RNPC3: variants seen among roughly 807,000 people sequenced by gnomAD.
RNPC3 encodes the protein RNA binding region (RNP1, RRM) containing 3, also known as RNA-binding region-containing protein 3.
RNPC3 carries 48 observed loss-of-function variants against 67.5 expected under a neutral mutation model. The ratio of observed to expected loss-of-function variants is 0.71; its 90% CI spans 0.56 to 0.90. The LOEUF is 0.90. RNPC3 is among the 40% of genes least tolerant of loss of function. The pLI, the probability that RNPC3 is intolerant of heterozygous loss-of-function variation, is 0.00. For synonymous variants in RNPC3, 239 were observed against 210.3 expected (o/e 1.14, Z -1.18); for missense variants, 637 against 626.1 (o/e 1.02, Z -0.19).
intron 7 of RNPC3, among the ~76,000 whole-genome samples, chr1:103,537,935 C>T (rs1651033557): frequency 6.6e-6 from 1 of 152,060 alleles, no homozygotes; most frequent in Admixed American, 6.5e-5. Context: ...CCTCTGCCTC[C>T]CAGGTTCAAG....
intron 6 of RNPC3, 110 bp from the exon 7 acceptor site, chr1:103,537,232 A>C: frequency 5.2e-6 from 1 of 193,158 alleles, no homozygotes; most frequent in East Asian, 1.7e-4. Context: ...AGAATGTGTT[A>C]AAAAAAAAAA....
intron 8 of RNPC3, 101 bp downstream of exon 8, chr1:103,541,576 G>C (rs1037913347): frequency 3.0e-5 from 36 of 1,201,768 alleles, no homozygotes; most frequent in Admixed American, 3.5e-5. Flanking sequence ...TCCTGTCAGT[G>C]TTCTTGGTTT....
Position 103,543,306 on chromosome 1 carries a change from C to T in RNPC3, c.904C>T (p.Pro302Ser), listed in dbSNP as rs746915031. ...PLCPSHSSLH[P>S]VLLPSDVFDQ... ...ATTGTTTTTAAATAGCAGTTTACATCCAGTGCTGTTACCTTCAGATGTATT... is the reference window on the plus strand; with the variant it reads ...ATTGTTTTTAAATAGCAGTTTACATTCAGTGCTGTTACCTTCAGATGTATT... The change falls in exon 9 of 15, where the codon CCA (proline) becomes TCA (serine). Residue 302 changes from proline (P) to serine (S), a missense_variant. Physicochemically the swap from Pro to Ser is moderately conservative, Grantham distance 74. Transcript: ENST00000423855. 1 of 1,447,040 alleles carries T rather than the reference C, an allele frequency of 6.9e-7. No individual in the cohort carries two copies. Among genetic ancestry groups the T allele is most frequent in the Non-Finnish European group, 9.0e-7 (1 of 1,107,568 alleles). The allele number at this position is 1,447,040 out of a possible 1,614,324, so 89.6% of individuals were successfully genotyped here. A position where few individuals can be genotyped will look rare whatever the true frequency, so the allele number is the denominator to read the frequency against.
chr1:103,537,545 T>G (rs1339899596), intron 7 of RNPC3, 61 bp downstream of exon 7: 13 of 1,369,662 alleles, frequency 9.5e-6, no homozygotes, highest in Non-Finnish European at 1.3e-5. Context: ...AAAGAGACTC[T>G]TGCTCTCCCT....
chr1:103,527,625 A>G, intron 1 of RNPC3, 70 bp from the exon 2 acceptor site: 1 of 1,224,740 alleles, frequency 8.2e-7, no homozygotes, highest in Non-Finnish European at 1.2e-6. Flanking sequence ...CTCCACTGGT[A>G]AAAAGTCAGA....
At position 103,534,792 on chromosome 1, in the gene RNPC3, A is replaced by C; in HGVS notation, c.378A>C (p.Glu126Asp). 6.5e-7 allele frequency: 1 copy of C among 1,530,952 alleles called. No homozygotes were observed. The highest frequency in any genetic ancestry group is 8.7e-7 in the Non-Finnish European group (1 of 1,143,092). The allele number at this position is 1,530,952 out of a possible 1,614,324, so 94.8% of individuals were successfully genotyped here. ...EKKKRSDDPV[E>D]DDKEKKELGY... is the part of the protein sequence containing the mutation. ...GTCCCAGGTCTGATGACCCTGTCGA[A>C]GATGATAAAGAAAAAAAAGAACTTG... is the stretch of plus-strand genomic sequence containing the variant. The change falls in exon 4 of 15, where the codon GAA becomes GAC. Residue 126 changes from glutamate (E) to aspartate (D), a missense_variant. Coordinates refer to ENST00000423855, the MANE Select transcript of RNPC3 (RefSeq NM_017619.4).
At chr1:103,547,582 G>T (rs1450525650) in intron 12 of RNPC3, among the ~76,000 whole-genome samples, 1 of 152,170 alleles carries the variant, frequency 6.6e-6, no homozygotes, top group African/African-American at 2.4e-5. Flanking sequence ...CAAAGACTAT[G>T]CTTTGAAAAC....
At chr1:103,546,497 T>G (rs1651247181) in intron 11 of RNPC3, 155 bp downstream of exon 11, 1 of 419,302 alleles carries the variant, frequency 2.4e-6, no homozygotes, top group Non-Finnish European at 4.2e-6. Flanking sequence ...TTCAGGTTAA[T>G]TTTTTATTAA....
intron 14 of RNPC3, chr1:103,552,443 TAAA>T (rs111871906): frequency 6.7e-6 from 1 of 149,086 alleles, no homozygotes; most frequent in Non-Finnish European, 1.5e-5. Context: ...AAATAAAAGT[TAAA>T]AAAAAAAGTC....
chr1:103,541,631 C>G (rs999906579), intron 8 of RNPC3, among the ~76,000 whole-genome samples, 156 bp downstream of exon 8: 10 of 152,070 alleles, frequency 6.6e-5, no homozygotes, highest in Admixed American at 2.0e-4. Flanking sequence ...TCATAATTCT[C>G]TCACAGTTGA....
intron 7 of RNPC3, among the ~76,000 whole-genome samples, chr1:103,540,766 A>T (rs1651107172): frequency 1.3e-5 from 2 of 152,200 alleles, no homozygotes; most frequent in Non-Finnish European, 2.9e-5. Flanking sequence ...TATCTTTAAT[A>T]TTAAATATTC....
At chr1:103,549,415 G>A (rs1651331352) in intron 12 of RNPC3, among the ~76,000 whole-genome samples, 1 of 152,022 alleles carries the variant, frequency 6.6e-6, no homozygotes, top group Non-Finnish European at 1.5e-5. Flanking sequence ...TCCATTAGGG[G>A]CAAATACCTC....
In RNPC3 at chr1:103,532,725, A is replaced by G. The variant is rs551124016; in HGVS notation, c.241-1014A>G. On this transcript the variant is annotated intron_variant, in intron 2 of 14. Coordinates refer to ENST00000423855, the MANE Select transcript of RNPC3 (RefSeq NM_017619.4). ...TGTATGAAGTCTTGAAGCCAAGTGA[A>G]TGACATGTATCCAGGAAGGAGTGAT... Among the ~76,000 whole-genome samples, 48 of 152,204 alleles carry G rather than the reference A, an allele frequency of 3.2e-4. No homozygotes were observed. The Middle Eastern group carries it at 0.01, about 32-fold the overall frequency.
rs562473866 is a variant in RNPC3 at position 103,550,951 on chromosome 1, C to T, written c.1372C>T (p.Arg458Cys). The T allele has an allele frequency of 9.3e-6, 15 of 1,610,824 alleles. No homozygotes were observed. The highest frequency in any genetic ancestry group is 2.2e-5 in the East Asian group (1 of 44,774). ...SETQRIMFDI[R>C]LMKEGRMKGQ... is the part of the protein sequence containing the mutation. ...GTTTCTTCCTTCTAGGTTTGATATA[C>T]GTTTGATGAAAGAAGGTCGTATGAA... Residue 458 changes from arginine (R) to cysteine (C), a missense_variant, in exon 13 of 15, where the codon CGT becomes TGT. Arg to Cys is a radical substitution (Grantham distance 180, BLOSUM62 -3). Transcript: ENST00000423855.
chr1:103,534,372 G>A (rs1452387542), intron 3 of RNPC3, among the ~76,000 whole-genome samples: 1 of 151,962 alleles, frequency 6.6e-6, no homozygotes, highest in Non-Finnish European at 1.5e-5. Flanking sequence ...GAAGGGATGG[G>A]AAAATGTTGT....
In RNPC3 at chr1:103,526,173, C is replaced by G. The variant is rs1266263841; in HGVS notation, c.103C>G (p.Pro35Ala). Residue 35 changes from proline (P) to alanine (A), a missense_variant, in exon 1 of 15, where the codon CCG becomes GCG. Pro to Ala is a conservative substitution (Grantham distance 27). Coordinates refer to ENST00000423855, the MANE Select transcript of RNPC3 (RefSeq NM_017619.4). ...GDRTLLVRHL[P>A]AELTAEEKED... ...CCGAACCCTTCTGGTCAGGCACCTG[C>G]CGGCTGAGCTTACTGCTGAGGAGAA... 3.2e-6 allele frequency: 5 copies of G among 1,551,400 alleles called. No homozygotes were observed. The highest frequency in any genetic ancestry group is 3.5e-6 in the Non-Finnish European group (4 of 1,146,926).
chr1:103,541,605 C>G, intron 8 of RNPC3, 130 bp downstream of exon 8: 1 of 730,780 alleles, frequency 1.4e-6, no homozygotes, highest in Non-Finnish European at 2.1e-6. Flanking sequence ...TTCCTAGTTA[C>G]CAAATTTACA....
At position 103,527,688 on chromosome 1, in the gene RNPC3, G is replaced by C. The variant is rs1331020417; in HGVS notation, c.193-7G>C. The C allele has an allele frequency of 1.3e-6, 2 of 1,545,596 alleles. No individual in the cohort carries two copies. Among genetic ancestry groups the C allele is most frequent in the African/African-American group, 2.7e-5 (2 of 72,846 alleles). ...TGGAAGTAATTTGTACCTTAACTCT[G>C]TTTCAGAAACATACAGCTTTTGCCA... On this transcript the variant is annotated splice_polypyrimidine_tract_variant and splice_region_variant and intron_variant, in intron 1 of 14. Coordinates refer to ENST00000423855, the MANE Select transcript of RNPC3 (RefSeq NM_017619.4).
intron 2 of RNPC3, among the ~76,000 whole-genome samples, chr1:103,532,967 A>T (rs1040922388): frequency 6.6e-6 from 1 of 152,032 alleles, no homozygotes; most frequent in Non-Finnish European, 1.5e-5. Flanking sequence ...CAAATTTAGG[A>T]TGGGAGAAAT....
Sources: allele counts gnomAD v4.1 joint callset (sites outside exome capture counted in the v4.1 genomes callset), GRCh38; gene constraint gnomAD v4.1.1; transcripts MANE v1.5; gene names NCBI Gene and HGNC (gene_info 2026-07-23, HGNC 2026-07-21).